TCEAL8: variants seen among roughly 807,000 people sequenced by gnomAD.
TCEAL8 encodes the protein transcription elongation factor A protein-like 8.
For missense variants in TCEAL8, 78 were observed against 92.0 expected (o/e 0.85, Z 0.62); for synonymous variants, 41 against 29.6 (o/e 1.38, Z -1.25).
In TCEAL8 at chrX:103,253,496, G is replaced by T; in HGVS notation, c.*130C>A. 1.9e-6 allele frequency: 1 copy of T among 535,542 alleles called. No homozygotes were observed. The highest frequency in any genetic ancestry group is 2.9e-6 in the Non-Finnish European group (1 of 349,455). 44.1% of individuals were successfully genotyped at this position (535,542 alleles called of 1,213,427 possible). A position where few individuals can be genotyped will look rare whatever the true frequency, so the allele number is the denominator to read the frequency against. On this transcript the variant is annotated 3_prime_UTR_variant, in exon 3 of 3. Coordinates refer to ENST00000372685, the MANE Select transcript of TCEAL8 (RefSeq NM_153333.3). ...AAAATCCAAAATCCAATGAGATGCT[G>T]GTACCAAGGAAATTACCTAAAACAA... is the stretch of plus-strand genomic sequence containing the variant.
At chrX:103,254,091 G>T in intron 2 of TCEAL8, 74 bp from the exon 3 acceptor site, 1 of 676,103 alleles carries the variant, frequency 1.5e-6, no homozygotes, top group Non-Finnish European at 2.2e-6. Context: ...GTCCCATAGC[G>T]ACTGGCCTTT....
Position 103,253,551 on chromosome X carries a change from G to A in TCEAL8, c.*75C>T. Reference sequence around the variant, plus strand: ...TCATCAGATGATTAAAAGTAAAATGGAGGTCAAAGATACATCAGAAAATGC... The same window carrying A: ...TCATCAGATGATTAAAAGTAAAATGAAGGTCAAAGATACATCAGAAAATGC... On this transcript the variant is annotated 3_prime_UTR_variant, in exon 3 of 3. Transcript: ENST00000372685. 1.2e-6 allele frequency: 1 copy of A among 832,174 alleles called. No homozygotes were observed. Among genetic ancestry groups the A allele is most frequent in the Non-Finnish European group, 1.6e-6 (1 of 608,991 alleles). 68.6% of individuals were successfully genotyped at this position (832,174 alleles called of 1,213,427 possible). A position where few individuals can be genotyped will look rare whatever the true frequency, so the allele number is the denominator to read the frequency against.
intron 2 of TCEAL8, among the ~76,000 whole-genome samples, 177 bp downstream of exon 2, chrX:103,254,428 C>T (rs1569304264): frequency 9.0e-6 from 1 of 110,685 alleles, no homozygotes; most frequent in Non-Finnish European, 1.9e-5. Flanking sequence ...CCCCCTTCAG[C>T]GTCTCTTAAG....
chrX:103,253,443 A>G lies in TCEAL8; in HGVS notation c.*183T>C, dbSNP rs779891077. 2.4e-6 allele frequency: 1 copy of G among 412,624 alleles called. No individual in the cohort carries two copies. Among genetic ancestry groups the G allele is most frequent in the Non-Finnish European group, 4.1e-6 (1 of 242,115 alleles). 34.0% of individuals were successfully genotyped at this position (412,624 alleles called of 1,213,427 possible). ...CCATGCAAATGTGTGAAAGTTTCCA[A>G]TTGAAAAATAGACCTGGAAAATGGG... On this transcript the variant is annotated 3_prime_UTR_variant, in exon 3 of 3. Coordinates refer to ENST00000372685, the MANE Select transcript of TCEAL8 (RefSeq NM_153333.3).
chrX:103,254,718 T>TGGATC (rs1925192234), intron 1 of TCEAL8, 41 bp from the exon 2 acceptor site: 1 of 111,380 alleles, frequency 9.0e-6, no homozygotes, highest in Non-Finnish European at 1.9e-5. Context: ...GACTAGTACC[T>TGGATC]GGATCACGGG....
chrX:103,253,531 A>G lies in TCEAL8; in HGVS notation c.*95T>C, dbSNP rs763759869. On this transcript the variant is annotated 3_prime_UTR_variant, in exon 3 of 3. Coordinates refer to ENST00000372685, the MANE Select transcript of TCEAL8 (RefSeq NM_153333.3). ...AAATTACCTAAAACAAAATTTCATC[A>G]GATGATTAAAAGTAAAATGGAGGTC... 4.8e-5 allele frequency: 36 copies of G among 752,838 alleles called. No individual in the cohort carries two copies. Among genetic ancestry groups the G allele is most frequent in the Admixed American group, 4.1e-5 (1 of 24,191 alleles). The allele number at this position is 752,838 out of a possible 1,213,427, so 62.0% of individuals were successfully genotyped here.
At position 103,253,228 on chromosome X, in the gene TCEAL8, C is replaced by G; in HGVS notation, c.*398G>C. The G allele has an allele frequency of 7.4e-6, 1 of 135,977 alleles. No individual in the cohort carries two copies. Among genetic ancestry groups the G allele is most frequent in the Non-Finnish European group, 1.5e-5 (1 of 68,655 alleles). 11.2% of individuals were successfully genotyped at this position (135,977 alleles called of 1,213,427 possible). ...AGCAAAAAGAACAAAAAGAAGAAAA[C>G]AAATAAAATTTCACACCACACAGAA... On this transcript the variant is annotated 3_prime_UTR_variant, in exon 3 of 3. Coordinates refer to ENST00000372685, the MANE Select transcript of TCEAL8 (RefSeq NM_153333.3).
At chrX:103,254,435 T>TA (rs1299706439) in intron 2 of TCEAL8, among the ~76,000 whole-genome samples, 170 bp downstream of exon 2, 1 of 110,509 alleles carries the variant, frequency 9.0e-6, no homozygotes, top group Non-Finnish European at 1.9e-5. Context: ...CAGCGTCTCT[T>TA]AAGCCTCCTC....
At position 103,253,609 on chromosome X, in the gene TCEAL8, A is replaced by G. The variant is rs1659363958; in HGVS notation, c.*17T>C. 1 of 1,148,640 alleles carries G rather than the reference A, an allele frequency of 8.7e-7. No individual in the cohort carries two copies. The highest frequency in any genetic ancestry group is 1.8e-5 in the African/African-American group (1 of 55,815). 94.7% of individuals were successfully genotyped at this position (1,148,640 alleles called of 1,213,427 possible). ...AAGAAAGCTGGGGCCAGATTTTAATATTAGGCAAAAATGAATTCAAGGCCT... is the reference window on the plus strand; with the variant it reads ...AAGAAAGCTGGGGCCAGATTTTAATGTTAGGCAAAAATGAATTCAAGGCCT... On this transcript the variant is annotated 3_prime_UTR_variant, in exon 3 of 3. Coordinates refer to ENST00000372685, the MANE Select transcript of TCEAL8 (RefSeq NM_153333.3).
At position 103,253,569 on chromosome X, in the gene TCEAL8, G is replaced by A. The variant is rs751221832; in HGVS notation, c.*57C>T. On this transcript the variant is annotated 3_prime_UTR_variant, in exon 3 of 3. Coordinates refer to ENST00000372685, the MANE Select transcript of TCEAL8 (RefSeq NM_153333.3). ...TAAAATGGAGGTCAAAGATACATCA[G>A]AAAATGCTAACAGAAAGAAAGCTGG... 1,105 of 1,007,451 alleles carry A rather than the reference G, an allele frequency of 1.1e-3. 2 individuals are homozygous for A. Among genetic ancestry groups the A allele is most frequent in the Non-Finnish European group, 1.4e-3 (1,046 of 751,318 alleles). 83.0% of individuals were successfully genotyped at this position (1,007,451 alleles called of 1,213,427 possible).
At position 103,253,132 on chromosome X, in the gene TCEAL8, AC is replaced by A. The variant is rs1445683102; in HGVS notation, c.*493del. Reference sequence around the variant, plus strand: ...TCATAAGCTGGTTGCAAATTATTTGACTCTTACTTGTAAAAAAAATCCTTAA... The same window carrying A: ...TCATAAGCTGGTTGCAAATTATTTGATCTTACTTGTAAAAAAAATCCTTAA... On this transcript the variant is annotated 3_prime_UTR_variant, in exon 3 of 3. Transcript: ENST00000372685. 1.7e-5 allele frequency: 2 copies of A among 114,367 alleles called. No individual in the cohort carries two copies. Among genetic ancestry groups the A allele is most frequent in the Non-Finnish European group, 3.7e-5 (2 of 54,192 alleles). The allele number at this position is 114,367 out of a possible 1,213,427, so 9.4% of individuals were successfully genotyped here.
At chrX:103,254,867 A>C (rs1053659508) in intron 1 of TCEAL8, among the ~76,000 whole-genome samples, 190 bp from the exon 2 acceptor site, 1 of 110,019 alleles carries the variant, frequency 9.1e-6, no homozygotes, top group Non-Finnish European at 1.9e-5. Context: ...GTTTCTTCCA[A>C]ACAGTTTCTA....
chrX:103,254,866 A>C (rs1218614629), intron 1 of TCEAL8, among the ~76,000 whole-genome samples, 189 bp from the exon 2 acceptor site: 1 of 110,259 alleles, frequency 9.1e-6, no homozygotes, highest in Non-Finnish European at 1.9e-5. Context: ...AGTTTCTTCC[A>C]AACAGTTTCT....
intron 1 of TCEAL8, 90 bp downstream of exon 1, chrX:103,254,988 G>A (rs1925200588): frequency 9.0e-6 from 1 of 110,997 alleles, no homozygotes; most frequent in Non-Finnish European, 1.9e-5. Flanking sequence ...CGGAACAGAA[G>A]TGGGGAAAGC....
Position 103,253,595 on chromosome X carries a change from G to A in TCEAL8, c.*31C>T. On this transcript the variant is annotated 3_prime_UTR_variant, in exon 3 of 3. Coordinates refer to ENST00000372685, the MANE Select transcript of TCEAL8 (RefSeq NM_153333.3). ...AAAATGCTAACAGAAAGAAAGCTGG[G>A]GCCAGATTTTAATATTAGGCAAAAA... 1 of 1,093,942 alleles carries A rather than the reference G, an allele frequency of 9.1e-7. No homozygotes were observed. Among genetic ancestry groups the A allele is most frequent in the Non-Finnish European group, 1.2e-6 (1 of 818,082 alleles). 90.2% of individuals were successfully genotyped at this position (1,093,942 alleles called of 1,213,427 possible). A position where few individuals can be genotyped will look rare whatever the true frequency, so the allele number is the denominator to read the frequency against.
chrX:103,254,072 G>C, intron 2 of TCEAL8, 55 bp from the exon 3 acceptor site: 1 of 800,756 alleles, frequency 1.2e-6, no homozygotes. Flanking sequence ...CCAGCAGTCA[G>C]AGTATGGGGT....
At chrX:103,254,739 GATTCTAGGC>G (rs1925192750) in intron 1 of TCEAL8, 62 bp from the exon 2 acceptor site, 1 of 111,155 alleles carries the variant, frequency 9.0e-6, no homozygotes, top group Non-Finnish European at 1.9e-5. Context: ...TCCCTTTCAT[GATTCTAGGC>G]CATGTTGGTG....
Position 103,253,782 on chromosome X carries a change from G to A in TCEAL8, c.198C>T (p.Pro66=). 8.3e-7 allele frequency: 1 copy of A among 1,211,780 alleles called. No individual in the cohort carries two copies. Among genetic ancestry groups the A allele is most frequent in the Non-Finnish European group, 1.1e-6 (1 of 895,513 alleles). ...QPGQGFKEDT[P]VRHLDPEEMI... ...TTTCTTCAGGGTCCAAATGCCTAACGGGTGTGTCCTCTTTAAATCCCTGGC... is the reference window on the plus strand; with the variant it reads ...TTTCTTCAGGGTCCAAATGCCTAACAGGTGTGTCCTCTTTAAATCCCTGGC... The change falls in exon 3 of 3, where the codon CCC becomes CCT. Residue 66 remains proline (P), a synonymous_variant. Coordinates refer to ENST00000372685, the MANE Select transcript of TCEAL8 (RefSeq NM_153333.3).
In TCEAL8 at chrX:103,253,992, T is replaced by G. The variant is rs761954379; in HGVS notation, c.-13A>C. ...AAGACTTTTGCATATTGAGTATTTT[T>G]TATTTCCTTTTTGAATAAATTAATC... is the stretch of plus-strand genomic sequence containing the variant. On this transcript the variant is annotated 5_prime_UTR_variant, in exon 3 of 3. Transcript: ENST00000372685. The G allele has an allele frequency of 8.7e-7, 1 of 1,149,475 alleles. No homozygotes were observed. The highest frequency in any genetic ancestry group is 2.0e-5 in the South Asian group (1 of 51,279). The allele number at this position is 1,149,475 out of a possible 1,213,427, so 94.7% of individuals were successfully genotyped here.
Sources: gnomAD v4.1 joint callset for allele counts (sites outside exome capture counted in the v4.1 genomes callset) on GRCh38, gnomAD v4.1.1 for gene constraint, MANE v1.5 for transcripts, NCBI Gene and HGNC (gene_info 2026-07-23, HGNC 2026-07-21) for gene names.